The following GNB1L variants were observed in gnomAD, a reference collection of about 807,000 sequenced individuals.
GNB1L encodes the protein G protein subunit beta 1 like.
In GNB1L, 20 loss-of-function variants were observed where a neutral mutation model predicts 29.1. That is an observed-to-expected ratio of 0.69 (90% CI 0.48 to 1.00). The LOEUF is 1.00. GNB1L is among the 50% of genes least tolerant of loss of function. The probability of loss-of-function intolerance (pLI) is 0.00; values close to 1 mark genes in which losing one functional copy is unlikely to be tolerated. For synonymous variants in GNB1L, 193 were observed against 206.5 expected (o/e 0.93, Z 0.56); for missense variants, 421 against 464.9 (o/e 0.91, Z 0.87).
intron 2 of GNB1L, among the ~76,000 whole-genome samples, chr22:19,844,756 C>G (rs1257180415): frequency 6.6e-6 from 1 of 152,196 alleles, no homozygotes; most frequent in East Asian, 1.9e-4. Flanking sequence ...GCCAGCCTGC[C>G]CCAGGCACTT....
rs1219070353 is a variant in GNB1L at position 19,816,511 on chromosome 22, GGTGTCCACCT to G, written c.255-4074_255-4065del. On this transcript the variant is annotated intron_variant, in intron 4 of 7. Transcript: ENST00000329517. This position sits in a 1 kb window ranked among gnomAD's most constrained non-coding sequence, Gnocchi z 4.4. The stretch of plus-strand genomic sequence containing the variant: ...ACAGGCATTTAGAAGCCAGGACCTG[GGTGTCCACCT>G]GCTCACTGCCAGAGTGTGCCCCAGC... 6.6e-6 allele frequency among the ~76,000 whole-genome samples: 1 copy of G among 152,034 alleles called. No homozygotes were observed. The highest frequency in any genetic ancestry group is 1.5e-5 in the Non-Finnish European group (1 of 67,986).
chr22:19,851,180 G>C (rs765978017), intron 2 of GNB1L: 13 of 1,590,146 alleles, frequency 8.2e-6, no homozygotes, highest in South Asian at 5.7e-5. Context: ...GAACCCAGGA[G>C]AAAGTGGTGG....
chr22:19,832,681 GTGAC>G (rs1271827527), intron 2 of GNB1L, among the ~76,000 whole-genome samples: 1 of 152,222 alleles, frequency 6.6e-6, no homozygotes, highest in African/African-American at 2.4e-5. Context: ...CCAGGGGAAA[GTGAC>G]TGAGAGAGAA....
intron 7 of GNB1L, among the ~76,000 whole-genome samples, chr22:19,790,033 A>G (rs1937236221): frequency 6.6e-6 from 1 of 152,178 alleles, no homozygotes; most frequent in South Asian, 2.1e-4. Flanking sequence ...AGGTCCAAGT[A>G]TTTTATATCC....
chr22:19,789,538 G>A (rs1288083133), intron 7 of GNB1L, among the ~76,000 whole-genome samples: 2 of 152,064 alleles, frequency 1.3e-5, no homozygotes, highest in Admixed American at 1.3e-4. Context: ...ACGCCCTGGA[G>A]GCGGCAGGAG....
In GNB1L at chr22:19,785,234, T is replaced by C. The variant is rs5748423; in HGVS notation, c.*3475A>G. On this transcript the variant is annotated 3_prime_UTR_variant, in exon 8 of 8. Coordinates refer to ENST00000329517, the MANE Select transcript of GNB1L (RefSeq NM_053004.3). The surrounding 1 kb of genome is among the most constrained non-coding windows in gnomAD (Gnocchi z 4.1). Reference sequence around the variant, plus strand: ...GGGCAACATAGCGAGACTCCTTCTCTATAAAAAAAAATAAAAAATTAGCTG... The same window carrying C: ...GGGCAACATAGCGAGACTCCTTCTCCATAAAAAAAAATAAAAAATTAGCTG... 0.22 allele frequency: 33,677 copies of C among 151,458 alleles called. 3,805 individuals carry two copies. The highest frequency in any genetic ancestry group is 0.34 in the South Asian group (1,630 of 4,792). 9.4% of individuals were successfully genotyped at this position (151,458 alleles called of 1,614,324 possible). A position where few individuals can be genotyped will look rare whatever the true frequency, so the allele number is the denominator to read the frequency against.
At chr22:19,814,364 GTC>G (rs749742380) in intron 4 of GNB1L, among the ~76,000 whole-genome samples, 1 of 152,102 alleles carries the variant, frequency 6.6e-6, no homozygotes, top group Non-Finnish European at 1.5e-5. Context: ...CGATCCTCCC[GTC>G]TCGGCCTCCT....
chr22:19,819,727 T>C (rs551558420), intron 4 of GNB1L, among the ~76,000 whole-genome samples: 8 of 152,182 alleles, frequency 5.3e-5, no homozygotes, highest in African/African-American at 1.9e-4. Flanking sequence ...TCTGGACAAG[T>C]AATCCCCAAG....
At chr22:19,847,119 C>T (rs1937979463) in intron 2 of GNB1L, 2 of 985,446 alleles carry the variant, frequency 2.0e-6, no homozygotes, top group Non-Finnish European at 2.4e-6. Context: ...TGGGGTGACA[C>T]ACATTACTTG....
intron 5 of GNB1L, among the ~76,000 whole-genome samples, chr22:19,810,210 G>A (rs1395639510): frequency 2.0e-5 from 3 of 152,208 alleles, no homozygotes; most frequent in Non-Finnish European, 4.4e-5. Flanking sequence ...CTGTGGGGTG[G>A]GGAGGGCTGC....
intron 2 of GNB1L, chr22:19,850,212 T>C: frequency 6.1e-6 from 6 of 985,728 alleles, no homozygotes; most frequent in Non-Finnish European, 7.2e-6. Flanking sequence ...GACTTGCTGG[T>C]AGGCAGCCAC....
chr22:19,796,392 C>T (rs569021364), intron 7 of GNB1L, among the ~76,000 whole-genome samples: 2 of 152,184 alleles, frequency 1.3e-5, no homozygotes, highest in African/African-American at 2.4e-5. Context: ...ACGTGTGCAG[C>T]GGGGCATCTG....
intron 7 of GNB1L, among the ~76,000 whole-genome samples, chr22:19,795,735 A>G (rs1350304506): frequency 6.6e-6 from 1 of 152,250 alleles, no homozygotes; most frequent in Non-Finnish European, 1.5e-5. Flanking sequence ...ACTGAGTCAC[A>G]TGGAAGGTGG....
chr22:19,793,969 T>A (rs916482396), intron 7 of GNB1L, among the ~76,000 whole-genome samples: 5 of 152,192 alleles, frequency 3.3e-5, no homozygotes, highest in Non-Finnish European at 7.4e-5. Flanking sequence ...TGTTTTTTAT[T>A]TCTTGTAAGT....
Position 19,852,337 on chromosome 22 carries a change from G to A in GNB1L, c.-21+2106C>T, listed in dbSNP as rs1334858752. The stretch of plus-strand genomic sequence containing the variant: ...GGGTGTGGACAGATGTGGCTTGCAC[G>A]ACACAACAGGACAGGGATGGCTGAA... On this transcript the variant is annotated intron_variant, in intron 2 of 7. Coordinates refer to ENST00000329517, the MANE Select transcript of GNB1L (RefSeq NM_053004.3). The A allele has an allele frequency of 4.5e-5, 65 of 1,460,550 alleles. 1 individual carries two copies. The highest frequency in any genetic ancestry group is 5.5e-5 in the Non-Finnish European group (59 of 1,071,558). 90.5% of individuals were successfully genotyped at this position (1,460,550 alleles called of 1,614,324 possible).
At position 19,840,807 on chromosome 22, in the gene GNB1L, C is replaced by T. The variant is rs1162593611; in HGVS notation, c.-21+13636G>A. On this transcript the variant is annotated intron_variant, in intron 2 of 7. Transcript: ENST00000329517. ...CCTAGGCGAAGAAGCGAAACTCCGTCTCAAAAAAAAAAAAAGAAAGAAAGA... is the reference window on the plus strand; with the variant it reads ...CCTAGGCGAAGAAGCGAAACTCCGTTTCAAAAAAAAAAAAAGAAAGAAAGA... Among the ~76,000 whole-genome samples the T allele has an allele frequency of 2.7e-5, 4 of 149,632 alleles. No individual in the cohort carries two copies. In the East Asian group the frequency reaches 7.8e-4, roughly 29 times the overall value.
chr22:19,825,073 C>T (rs1434423404), intron 2 of GNB1L, among the ~76,000 whole-genome samples: 2 of 152,254 alleles, frequency 1.3e-5, no homozygotes, highest in Admixed American at 1.3e-4. Flanking sequence ...CCACCCCAGC[C>T]CACCAGGTCC....
chr22:19,850,006 T>C (rs1938056523), intron 2 of GNB1L: 4 of 985,564 alleles, frequency 4.1e-6, no homozygotes, highest in Admixed American at 6.1e-5. Context: ...TCTGGACTGC[T>C]GCCTGGTCCT....
intron 2 of GNB1L, among the ~76,000 whole-genome samples, chr22:19,834,193 AATATTGAAACATCAT>A (rs1937726923): frequency 6.6e-6 from 1 of 152,228 alleles, no homozygotes; most frequent in Non-Finnish European, 1.5e-5. Flanking sequence ...CAAAGAAAAC[AATATTGAAACATCAT>A]AAACTGCTGA....
Sources: allele counts gnomAD v4.1 joint callset (sites outside exome capture counted in the v4.1 genomes callset), GRCh38; gene constraint gnomAD v4.1.1; non-coding constraint Gnocchi (gnomAD v3.1); transcripts MANE v1.5; gene names NCBI Gene and HGNC (gene_info 2026-07-23, HGNC 2026-07-21).